The following UBE2E3 variants were observed in gnomAD, a reference collection of about 807,000 sequenced individuals.
The protein encoded by UBE2E3 is ubiquitin conjugating enzyme E2 E3.
Under a neutral mutation model 23.6 loss-of-function variants are expected in UBE2E3, and 5 were observed. The ratio of observed to expected loss-of-function variants is 0.21; its 90% confidence interval spans 0.11 to 0.44. The LOEUF is 0.44. UBE2E3 is among the 20% of genes least tolerant of loss of function. The probability of loss-of-function intolerance (pLI) is 0.99; values close to 1 mark genes in which losing one functional copy is unlikely to be tolerated. For synonymous variants in UBE2E3, 78 were observed against 87.5 expected (o/e 0.89, Z 0.60); for missense variants, 81 against 249.8 (o/e 0.32, Z 4.55).
intron 3 of UBE2E3, among the ~76,000 whole-genome samples, chr2:180,988,483 T>A (rs913034459): frequency 6.6e-6 from 1 of 152,182 alleles, no homozygotes; most frequent in Admixed American, 6.5e-5. Flanking sequence ...AATATTATGA[T>A]TGTCCAGTAA....
At chr2:181,057,388 A>AG (rs56181197) in intron 3 of UBE2E3, among the ~76,000 whole-genome samples, 5,972 of 151,894 alleles carry the variant, frequency 0.039, 223 homozygotes, top group African/African-American at 0.094. Context: ...TTGCAGGTTT[A>AG]GAGGGGTGTG....
At chr2:181,010,882 C>T (rs975453229) in intron 3 of UBE2E3, among the ~76,000 whole-genome samples, 2 of 147,732 alleles carry the variant, frequency 1.4e-5, no homozygotes, top group African/African-American at 2.6e-5. Context: ...GACTTTTATG[C>T]GTGCTTTGAG....
chr2:181,026,263 A>G (rs1334511869), intron 3 of UBE2E3, among the ~76,000 whole-genome samples: 2 of 151,980 alleles, frequency 1.3e-5, no homozygotes, highest in East Asian at 1.9e-4. Flanking sequence ...TGTTTAGTAT[A>G]GCAAATATAG....
intron 3 of UBE2E3, among the ~76,000 whole-genome samples, chr2:180,988,650 TCCATGTCTGTGAACTAAGGA>T (rs1179612877): frequency 6.6e-6 from 1 of 152,194 alleles, no homozygotes; most frequent in Non-Finnish European, 1.5e-5. Context: ...TAGCATTCTT[TCCATGTCTGTGAACTAAGGA>T]GAAATTTTGA....
chr2:181,032,166 A>G (rs577351509), intron 3 of UBE2E3, among the ~76,000 whole-genome samples: 91 of 152,328 alleles, frequency 6.0e-4, no homozygotes, highest in Middle Eastern at 3.4e-3. Flanking sequence ...TCTTGGGTTT[A>G]GAGGGCAAAA....
chr2:181,016,967 C>G (rs1383624320), intron 3 of UBE2E3, among the ~76,000 whole-genome samples: 3 of 152,136 alleles, frequency 2.0e-5, no homozygotes, highest in Non-Finnish European at 4.4e-5. Context: ...CATAACTGTT[C>G]TAAGAATTGT....
At chr2:181,023,265 T>C (rs1400153112) in intron 3 of UBE2E3, among the ~76,000 whole-genome samples, 1 of 152,226 alleles carries the variant, frequency 6.6e-6, no homozygotes, top group African/African-American at 2.4e-5. Context: ...GTATGCTGAA[T>C]AGTGAGAAAA....
At chr2:181,054,278 C>G (rs960189899) in intron 3 of UBE2E3, among the ~76,000 whole-genome samples, 1 of 151,884 alleles carries the variant, frequency 6.6e-6, no homozygotes, top group Admixed American at 6.6e-5. Context: ...GCCAAACTGT[C>G]TTCCAAAGTG....
At chr2:181,028,665 T>A (rs1282256209) in intron 3 of UBE2E3, among the ~76,000 whole-genome samples, 1 of 152,134 alleles carries the variant, frequency 6.6e-6, no homozygotes, top group African/African-American at 2.4e-5. Context: ...AACAATTTTT[T>A]TATGTTTATC....
intron 3 of UBE2E3, among the ~76,000 whole-genome samples, chr2:181,020,927 G>A (rs941647333): frequency 2.3e-5 from 3 of 128,792 alleles, no homozygotes; most frequent in African/African-American, 1.1e-4. Context: ...AATGGTAGAG[G>A]ATAGGAAAGG....
At chr2:181,026,770 T>G (rs558053780) in intron 3 of UBE2E3, among the ~76,000 whole-genome samples, 48 of 152,080 alleles carry the variant, frequency 3.2e-4, no homozygotes, top group African/African-American at 1.1e-3. Context: ...GTTATACTTA[T>G]ACTTAATTTA....
intron 3 of UBE2E3, among the ~76,000 whole-genome samples, chr2:181,046,893 CT>C (rs1373939248): frequency 1.3e-5 from 2 of 152,104 alleles, no homozygotes; most frequent in East Asian, 1.9e-4. Flanking sequence ...TATTGGGCCC[CT>C]GTCCCTCTTA....
chr2:181,019,037 C>T (rs984982865), intron 3 of UBE2E3, among the ~76,000 whole-genome samples: 19 of 152,090 alleles, frequency 1.2e-4, no homozygotes, highest in Admixed American at 1.2e-3. Context: ...GATCTCTGCT[C>T]ACTGCAACCT....
Position 181,038,773 on chromosome 2 carries a change from A to G in UBE2E3, c.246-18920A>G, listed in dbSNP as rs113750369. ...TAGACAAACCAATTTAAAATGGACA[A>G]AAGATTTGAATAGAGATGTTACTGA... On this transcript the variant is annotated intron_variant, in intron 3 of 5. Transcript: ENST00000410062. Among the ~76,000 whole-genome samples the G allele has an allele frequency of 2.6e-4, 40 of 152,344 alleles. 2 individuals carry two copies. The highest frequency in any genetic ancestry group is 9.1e-4 in the African/African-American group (38 of 41,574).
rs1574231283 is a variant in UBE2E3 at position 181,063,077 on chromosome 2, G to C, written c.*189G>C. Reference sequence around the variant, plus strand: ...TCAAGAGTAGAACTTTGTAGCTGTAGATTAGTTATGTTTAAAACGCCTACT... The same window carrying C: ...TCAAGAGTAGAACTTTGTAGCTGTACATTAGTTATGTTTAAAACGCCTACT... On this transcript the variant is annotated 3_prime_UTR_variant, in exon 6 of 6. Transcript: ENST00000410062. This position sits in a 1 kb window ranked among gnomAD's most constrained non-coding sequence, Gnocchi z 4.1. 4 of 365,652 alleles carry C rather than the reference G, an allele frequency of 1.1e-5. No individual in the cohort carries two copies. The East Asian group carries it at 1.7e-4, about 15-fold the overall frequency. 22.7% of individuals were successfully genotyped at this position (365,652 alleles called of 1,614,324 possible).
intron 5 of UBE2E3, 125 bp downstream of exon 5, chr2:181,060,937 TC>T: frequency 2.0e-6 from 2 of 1,007,710 alleles, no homozygotes; most frequent in Non-Finnish European, 2.7e-6. Context: ...CATAGAAAGA[TC>T]CCCATAAAAC....
At chr2:180,980,393 C>T (rs1173514345), upstream of UBE2E3, 1 of 151,648 alleles carries the variant, frequency 6.6e-6, no homozygotes, top group East Asian at 1.9e-4. The surrounding 1 kb of genome is among the most constrained non-coding windows in gnomAD (Gnocchi z 5.5). Flanking sequence ...CGGCAGGGGC[C>T]AGCCCGCCGG....
intron 1 of UBE2E3, 147 bp from the exon 2 acceptor site, chr2:180,981,871 C>G (rs1684303900): frequency 2.2e-6 from 1 of 464,200 alleles, no homozygotes; most frequent in East Asian, 3.8e-5. Flanking sequence ...CTCCCTTGTA[C>G]GTACCCCTGT....
At chr2:181,052,936 TG>T (rs1207329151) in intron 3 of UBE2E3, among the ~76,000 whole-genome samples, 1 of 151,862 alleles carries the variant, frequency 6.6e-6, no homozygotes, top group African/African-American at 2.4e-5. Context: ...GGCTGATTGG[TG>T]GGCTTTCCAT....
Sources: allele counts gnomAD v4.1 joint callset (sites outside exome capture counted in the v4.1 genomes callset), GRCh38; gene constraint gnomAD v4.1.1; non-coding constraint Gnocchi (gnomAD v3.1); transcripts MANE v1.5; gene names NCBI Gene and HGNC (gene_info 2026-07-23, HGNC 2026-07-21).